The following MEGF8 variants were observed in gnomAD, a reference collection of about 807,000 sequenced individuals.
MEGF8 encodes multiple epidermal growth factor-like domains protein 8.
MEGF8 carries 156 observed loss-of-function variants against 302.9 expected under a neutral mutation model. That is an observed-to-expected ratio of 0.52 (90% CI 0.45 to 0.59). The LOEUF (loss-of-function observed/expected upper bound fraction) is 0.59, where lower values mean the gene tolerates loss of function less well. Ranked by LOEUF, MEGF8 falls within the 20% of genes least tolerant of loss-of-function variation. MEGF8 has a pLI of 0.00. For missense variants in MEGF8, 3,345 were observed against 3,964.5 expected (o/e 0.84, Z 4.20); for synonymous variants, 1,621 against 1,660.5 (o/e 0.98, Z 0.58).
Position 42,337,182 on chromosome 19 carries a change from C to T in MEGF8, c.1489C>T (p.Leu497Phe). The T allele has an allele frequency of 6.2e-7, 1 of 1,613,920 alleles. No individual in the cohort carries two copies. Among genetic ancestry groups the T allele is most frequent in the Non-Finnish European group, 8.5e-7 (1 of 1,179,874 alleles). Residue 497 changes from leucine (L) to phenylalanine (F), a missense_variant, in exon 8 of 42, where the codon CTT (leucine) becomes TTT (phenylalanine). Transcript: ENST00000251268. ...GCHQWVSGAE[L>F]APPGTPEGRA... ...CCATCAATGGGTGTCAGGAGCTGAG[C>T]TTGCCCCGCCAGGAACCCCTGAGGG...
At chr19:42,347,588 G>A (rs1009172085) in intron 12 of MEGF8, among the ~76,000 whole-genome samples, 6 of 152,070 alleles carry the variant, frequency 3.9e-5, no homozygotes, top group African/African-American at 1.4e-4. Flanking sequence ...TGCCTCCCGG[G>A]TTTGAACGAT....
chr19:42,371,553 G>C (rs1488862487), intron 41 of MEGF8, 71 bp downstream of exon 41: 2 of 1,596,126 alleles, frequency 1.3e-6, no homozygotes, highest in Middle Eastern at 1.8e-4. Flanking sequence ...GGATGAGGTA[G>C]CCAGGCTCGG....
chr19:42,375,926 G>T lies in MEGF8; in HGVS notation c.7689G>T (p.Glu2563Asp). ...GASSGPGAPAEPRVREVWPRG... is the reference protein window; with the variant it reads ...GASSGPGAPADPRVREVWPRG... ...GCAGTGGGCCGGGCGCCCCAGCAGA[G>T]CCACGGGTACGGGAGGTATGGCCGC... Residue 2563 changes from glutamate to aspartate, a missense_variant, in exon 42 of 42, where the codon GAG (glutamate) becomes GAT (aspartate). By Grantham distance (45) the Glu-to-Asp change is conservative. Coordinates refer to ENST00000251268, the MANE Select transcript of MEGF8 (RefSeq NM_001271938.2). The surrounding 1 kb of genome is among the most constrained non-coding windows in gnomAD (Gnocchi z 7.1). The T allele has an allele frequency of 6.2e-7, 1 of 1,600,748 alleles. No homozygotes were observed.
chr19:42,364,287 G>A (rs986990889), intron 35 of MEGF8, among the ~76,000 whole-genome samples: 5 of 151,966 alleles, frequency 3.3e-5, no homozygotes, highest in South Asian at 2.1e-4. Context: ...AAAGGCATTC[G>A]CACCCCACCC....
At position 42,356,494 on chromosome 19, in the gene MEGF8, A is replaced by C. The variant is rs754380270; in HGVS notation, c.4622+41A>C. 6 of 1,472,034 alleles carry C rather than the reference A, an allele frequency of 4.1e-6. No homozygotes were observed. The highest frequency in any genetic ancestry group is 1.4e-5 in the African/African-American group (1 of 71,046). The allele number at this position is 1,472,034 out of a possible 1,614,324, so 91.2% of individuals were successfully genotyped here. ...GGCAGGTGGGATTCGCAAATAAGAG[A>C]AGGTCACCTCGGGATGCTAAGAGTC... On this transcript the variant is annotated intron_variant, in intron 26 of 41. Coordinates refer to ENST00000251268, the MANE Select transcript of MEGF8 (RefSeq NM_001271938.2). The surrounding 1 kb of genome is among the most constrained non-coding windows in gnomAD (Gnocchi z 5.2).
At chr19:42,339,786 C>T (rs1042497787) in intron 8 of MEGF8, among the ~76,000 whole-genome samples, 1 of 152,322 alleles carries the variant, frequency 6.6e-6, no homozygotes, top group East Asian at 1.9e-4. Flanking sequence ...AGGCCGGGTG[C>T]AGTGGCTCAC....
chr19:42,349,127 T>A (rs2039331840), intron 13 of MEGF8, among the ~76,000 whole-genome samples: 1 of 151,944 alleles, frequency 6.6e-6, no homozygotes, highest in South Asian at 2.1e-4. Flanking sequence ...TGGCGAGACA[T>A]CATCTCTCCA....
chr19:42,327,866 C>T (rs1459223585), intron 1 of MEGF8, among the ~76,000 whole-genome samples: 3 of 152,028 alleles, frequency 2.0e-5, no homozygotes, highest in Non-Finnish European at 2.9e-5. Context: ...AGGCCGAGGC[C>T]GGCAGATCGC....
At position 42,368,336 on chromosome 19, in the gene MEGF8, C is replaced by G; in HGVS notation, c.6274-119C>G. The G allele has an allele frequency of 1.1e-6, 1 of 870,826 alleles. No homozygotes were observed. The highest frequency in any genetic ancestry group is 1.7e-6 in the Non-Finnish European group (1 of 574,298). 53.9% of individuals were successfully genotyped at this position (870,826 alleles called of 1,614,324 possible). A position where few individuals can be genotyped will look rare whatever the true frequency, so the allele number is the denominator to read the frequency against. On this transcript the variant is annotated intron_variant, in intron 35 of 41. Coordinates refer to ENST00000251268, the MANE Select transcript of MEGF8 (RefSeq NM_001271938.2). The surrounding 1 kb of genome is among the most constrained non-coding windows in gnomAD (Gnocchi z 4.9). ...GTGTCCACTTTGCTCTACCTGTGGCCAGGGAGGGGTGAGACCTCAAAGAGG... is the reference window on the plus strand; with the variant it reads ...GTGTCCACTTTGCTCTACCTGTGGCGAGGGAGGGGTGAGACCTCAAAGAGG...
Position 42,370,372 on chromosome 19 carries a change from G to C in MEGF8, c.7005+13G>C. On this transcript the variant is annotated intron_variant, in intron 39 of 41. Coordinates refer to ENST00000251268, the MANE Select transcript of MEGF8 (RefSeq NM_001271938.2). ...GGACCCAGAGGAGGTGAAAGAGAGG[G>C]GTCAGATGCCTGGGTCTGAGGGAGG... 1.9e-6 allele frequency: 3 copies of C among 1,548,270 alleles called. No individual in the cohort carries two copies. The highest frequency in any genetic ancestry group is 2.6e-6 in the Non-Finnish European group (3 of 1,142,998).
At chr19:42,365,054 T>C (rs2147500922) in intron 35 of MEGF8, among the ~76,000 whole-genome samples, 1 of 152,258 alleles carries the variant, frequency 6.6e-6, no homozygotes, top group East Asian at 1.9e-4. Context: ...GAGTTCCCCA[T>C]GGGGGCTGTC....
In MEGF8 at chr19:42,369,111, G is replaced by A. The variant is rs978560724; in HGVS notation, c.6641+109G>A. ...AGCAGGACAGAAGAAAAGAAAGCTC[G>A]AGGCATGAAGGCAGTGGGATTGATT... On this transcript the variant is annotated intron_variant, in intron 37 of 41. Transcript: ENST00000251268. The surrounding 1 kb of genome is among the most constrained non-coding windows in gnomAD (Gnocchi z 5.7). 5.1e-6 allele frequency: 7 copies of A among 1,378,740 alleles called. No homozygotes were observed. The highest frequency in any genetic ancestry group is 2.4e-5 in the Admixed American group (1 of 42,476). 85.4% of individuals were successfully genotyped at this position (1,378,740 alleles called of 1,614,324 possible).
intron 8 of MEGF8, among the ~76,000 whole-genome samples, chr19:42,342,397 G>A (rs1045604996): frequency 3.3e-5 from 5 of 152,200 alleles, no homozygotes; most frequent in African/African-American, 4.8e-5. Flanking sequence ...CCAGCACTTT[G>A]GGAGGCCGAG....
chr19:42,354,090 A>G lies in MEGF8; in HGVS notation c.4011+66A>G, dbSNP rs565302959. On this transcript the variant is annotated intron_variant, in intron 22 of 41. Coordinates refer to ENST00000251268, the MANE Select transcript of MEGF8 (RefSeq NM_001271938.2). This position sits in a 1 kb window ranked among gnomAD's most constrained non-coding sequence, Gnocchi z 4.3. The stretch of plus-strand genomic sequence containing the variant: ...AACCGTGTCCCCTGACCCAGCCTGC[A>G]TCCTCAGACCCTGACCCTAGTATTG... 6.6e-7 allele frequency: 1 copy of G among 1,507,616 alleles called. No individual in the cohort carries two copies. Among genetic ancestry groups the G allele is most frequent in the African/African-American group, 1.4e-5 (1 of 71,146 alleles). 93.4% of individuals were successfully genotyped at this position (1,507,616 alleles called of 1,614,324 possible).
chr19:42,327,521 C>T (rs897497047), intron 1 of MEGF8, among the ~76,000 whole-genome samples: 1 of 152,212 alleles, frequency 6.6e-6, no homozygotes, highest in African/African-American at 2.4e-5. Context: ...GGAGGAAAGG[C>T]CCCAGCCCTA....
Position 42,354,012 on chromosome 19 carries a change from C to A in MEGF8, c.3999C>A (p.Ser1333Arg). Residue 1333 changes from serine (S) to arginine (R), a missense_variant, in exon 22 of 42, where the codon AGC (serine) becomes AGA (arginine). Coordinates refer to ENST00000251268, the MANE Select transcript of MEGF8 (RefSeq NM_001271938.2). This position sits in a 1 kb window ranked among gnomAD's most constrained non-coding sequence, Gnocchi z 4.3. ...PLTLTFSPDS[S>R]TPCTLSYVLA... ...CCCTCACCTTCTCCCCCGACAGCAG[C>A]ACCCCCTGCACGGTGAGCACTGAGG... 1 of 1,586,856 alleles carries A rather than the reference C, an allele frequency of 6.3e-7. No individual in the cohort carries two copies. The highest frequency in any genetic ancestry group is 8.6e-7 in the Non-Finnish European group (1 of 1,167,162).
intron 35 of MEGF8, among the ~76,000 whole-genome samples, chr19:42,363,949 C>T (rs1018301292): frequency 2.6e-5 from 4 of 152,158 alleles, no homozygotes; most frequent in Non-Finnish European, 5.9e-5. Context: ...TTCCAGAGAC[C>T]ACGTTCATCT....
chr19:42,346,984 C>CAAAAA (rs767117534), intron 12 of MEGF8, among the ~76,000 whole-genome samples: 88 of 49,696 alleles, frequency 1.8e-3, no homozygotes, highest in South Asian at 3.6e-3. Flanking sequence ...GACTCTGTCT[C>CAAAAA]AAAAAAAAAA....
In MEGF8 at chr19:42,356,678, C is replaced by A; in HGVS notation, c.4623-96C>A. On this transcript the variant is annotated intron_variant, in intron 26 of 41. Coordinates refer to ENST00000251268, the MANE Select transcript of MEGF8 (RefSeq NM_001271938.2). This position sits in a 1 kb window ranked among gnomAD's most constrained non-coding sequence, Gnocchi z 5.2. The stretch of plus-strand genomic sequence containing the variant: ...GGCAAGAGGACTGTCATAGGAAGGT[C>A]ACCCCAGGGGATGCGGGGACATCTG... 7.7e-7 allele frequency: 1 copy of A among 1,299,860 alleles called. No individual in the cohort carries two copies. The highest frequency in any genetic ancestry group is 1.5e-5 in the South Asian group (1 of 68,196). 80.5% of individuals were successfully genotyped at this position (1,299,860 alleles called of 1,614,324 possible).
Sources: allele counts gnomAD v4.1 joint callset (sites outside exome capture counted in the v4.1 genomes callset), GRCh38; gene constraint gnomAD v4.1.1; non-coding constraint Gnocchi (gnomAD v3.1); transcripts MANE v1.5; gene names NCBI Gene and HGNC (gene_info 2026-07-23, HGNC 2026-07-21).